Variants in PTPRZ1 observed in about 807,000 individuals in gnomAD.
The protein encoded by PTPRZ1 is protein tyrosine phosphatase receptor type Z1, also known as receptor-type tyrosine-protein phosphatase zeta.
PTPRZ1 carries 82 observed loss-of-function variants against 214.1 expected under a neutral mutation model. The ratio of observed to expected loss-of-function variants is 0.38; its 90% CI spans 0.32 to 0.46. The LOEUF (loss-of-function observed/expected upper bound fraction) is 0.46, where lower values mean the gene tolerates loss of function less well. PTPRZ1 is among the 20% of genes least tolerant of loss of function. The probability of loss-of-function intolerance (pLI) is 1.00; values close to 1 mark genes in which losing one functional copy is unlikely to be tolerated. For synonymous variants in PTPRZ1, 945 were observed against 987.9 expected, an observed-to-expected ratio of 0.96 and a Z score of 0.81; for missense variants, 2,603 against 2,748.7, an observed-to-expected ratio of 0.95 and a Z score of 1.19.
chr7:121,875,589 A>T (rs1378472225), intron 1 of PTPRZ1, among the ~76,000 whole-genome samples: 1 of 152,250 alleles, frequency 6.6e-6, no homozygotes, highest in African/African-American at 2.4e-5. Context: ...TCACAAGCTT[A>T]TGTAATGCTA....
chr7:121,920,311 A>G (rs1193653329), intron 1 of PTPRZ1, among the ~76,000 whole-genome samples: 3 of 152,170 alleles, frequency 2.0e-5, no homozygotes, highest in Non-Finnish European at 2.9e-5. Flanking sequence ...AAATAATACT[A>G]TTATGGTAAG....
At position 122,011,734 on chromosome 7, in the gene PTPRZ1, T is replaced by C. The variant is rs1798671504; in HGVS notation, c.2688T>C (p.Ser896=). ...ASETLEFGSE[S]GVLYKTLMFS... ...AGACGCTGGAATTTGGTAGTGAATCTGGTGTTCTTTATAAAACGCTTATGT... is the reference window on the plus strand; with the variant it reads ...AGACGCTGGAATTTGGTAGTGAATCCGGTGTTCTTTATAAAACGCTTATGT... Residue 896 remains serine, a synonymous_variant, in exon 12 of 30, where the codon TCT becomes TCC. Coordinates refer to ENST00000393386, the MANE Select transcript of PTPRZ1 (RefSeq NM_002851.3). 2 of 1,614,216 alleles carry C rather than the reference T, an allele frequency of 1.2e-6. No individual in the cohort carries two copies. The highest frequency in any genetic ancestry group is 1.7e-6 in the Non-Finnish European group (2 of 1,180,038).
At chr7:121,924,750 A>T (rs1192898370) in intron 1 of PTPRZ1, among the ~76,000 whole-genome samples, 1 of 152,212 alleles carries the variant, frequency 6.6e-6, no homozygotes, top group Non-Finnish European at 1.5e-5. Flanking sequence ...AGTCACCACA[A>T]TGCATAACAA....
intron 1 of PTPRZ1, among the ~76,000 whole-genome samples, chr7:121,889,173 C>T (rs1001490823): frequency 2.6e-5 from 4 of 152,014 alleles, no homozygotes; most frequent in Non-Finnish European, 5.9e-5. Context: ...GTATGAGAAG[C>T]CTTGCACAAA....
Position 121,972,532 on chromosome 7 carries a change from T to C in PTPRZ1, c.305-9T>C. The C allele has an allele frequency of 6.3e-7, 1 of 1,581,456 alleles. No homozygotes were observed. The highest frequency in any genetic ancestry group is 2.3e-5 in the East Asian group (1 of 44,220). On this transcript the variant is annotated splice_polypyrimidine_tract_variant and intron_variant, in intron 3 of 29. Transcript: ENST00000393386. ...AGAAGCTTAGGTGCAATTGTATTTC[T>C]TTTTTTAGTGGAAATTAATCTCACT...
In PTPRZ1 at chr7:122,011,960, C is replaced by A; in HGVS notation, c.2914C>A (p.Pro972Thr). 1.2e-6 allele frequency: 2 copies of A among 1,614,182 alleles called. No homozygotes were observed. The highest frequency in any genetic ancestry group is 4.5e-5 in the East Asian group (2 of 44,876). The stretch of plus-strand genomic sequence containing the variant: ...TAGCGGCCCTAGCCATATACCAATA[C>A]CTAAGTCTTCGTTAATAACCCCAAC... ...LFSGPSHIPI[P>T]KSSLITPTAS... is the part of the protein sequence containing the mutation. The change falls in exon 12 of 30, where the codon CCT becomes ACT. Residue 972 changes from proline to threonine, a missense_variant. Around this residue, in one of 6 missense-constraint regions of PTPRZ1, gnomAD observed 1,913 missense variants for 1,914.3 expected, o/e 1.00. Coordinates refer to ENST00000393386, the MANE Select transcript of PTPRZ1 (RefSeq NM_002851.3).
In PTPRZ1 at chr7:122,011,589, C is replaced by T; in HGVS notation, c.2543C>T (p.Ala848Val). ...VSQILPQVTS[A>V]TESDKVPLHA... ...CAAATCCTTCCACAAGTTACTTCAG[C>T]TACCGAGAGTGATAAGGTGCCCTTG... is the stretch of plus-strand genomic sequence containing the variant. Residue 848 changes from alanine (A) to valine (V), a missense_variant, in exon 12 of 30, where the codon GCT (alanine) becomes GTT (valine). By Grantham distance (64) the Ala-to-Val change is moderately conservative. Around this residue, in one of 6 missense-constraint regions of PTPRZ1, gnomAD observed 1,913 missense variants for 1,914.3 expected, o/e 1.00. Transcript: ENST00000393386. 6.2e-7 allele frequency: 1 copy of T among 1,614,104 alleles called. No homozygotes were observed. The highest frequency in any genetic ancestry group is 8.5e-7 in the Non-Finnish European group (1 of 1,180,006).
chr7:122,039,609 G>A, intron 20 of PTPRZ1, 21 bp downstream of exon 20: 3 of 1,610,580 alleles, frequency 1.9e-6, no homozygotes, highest in East Asian at 2.2e-5. Context: ...AAAATGATGG[G>A]CATAATCAAG....
rs1340193739 is a variant in PTPRZ1, at chr7:122,013,139, C to T, written c.4093C>T (p.His1365Tyr). 2.5e-6 allele frequency: 4 copies of T among 1,613,832 alleles called. No individual in the cohort carries two copies. The highest frequency in any genetic ancestry group is 2.5e-6 in the Non-Finnish European group (3 of 1,179,838). ...VASDTFVSTD[H>Y]SVPIGNGHVA... is the part of the protein sequence containing the mutation. ...TTCTGATACATTTGTATCTACTGAT[C>T]ATTCTGTTCCTATAGGAAATGGGCA... The change falls in exon 12 of 30, where the codon CAT becomes TAT. Residue 1365 changes from histidine to tyrosine, a missense_variant. This residue lies in a region of PTPRZ1 where 1,913 missense variants were observed against 1,914.3 expected (regional missense o/e 1.00). Transcript: ENST00000393386.
At chr7:122,008,230 T>C (rs1239182659) in intron 11 of PTPRZ1, among the ~76,000 whole-genome samples, 3 of 152,136 alleles carry the variant, frequency 2.0e-5, no homozygotes, top group Non-Finnish European at 4.4e-5. Context: ...TGTTAGATCA[T>C]ATAGAGAAAA....
At chr7:121,959,403 A>C (rs1396698945) in intron 2 of PTPRZ1, among the ~76,000 whole-genome samples, 1 of 152,234 alleles carries the variant, frequency 6.6e-6, no homozygotes, top group Non-Finnish European at 1.5e-5. Context: ...ACGTTGGGCA[A>C]CTGCTTTGCT....
chr7:121,896,547 C>A lies in PTPRZ1; in HGVS notation c.58+22990C>A, dbSNP rs572597023. ...GAAGAAAACCCGTCATATGCTACAA[C>A]ATAGATGAACCTTAAGAACAGTATG... On this transcript the variant is annotated intron_variant, in intron 1 of 29. Transcript: ENST00000393386. Among the ~76,000 whole-genome samples, 3 of 152,144 alleles carry A rather than the reference C, an allele frequency of 2.0e-5. No individual in the cohort carries two copies. In the South Asian group the frequency reaches 6.2e-4, roughly 32 times the overall value.
At chr7:122,033,740 A>G (rs541388175) in intron 15 of PTPRZ1, 2 of 234,352 alleles carry the variant, frequency 8.5e-6, no homozygotes, top group South Asian at 1.8e-4. Flanking sequence ...TAGTGCTACT[A>G]TGGTCAAATA....
At chr7:121,884,480 A>G (rs1563000080) in intron 1 of PTPRZ1, among the ~76,000 whole-genome samples, 3 of 152,174 alleles carry the variant, frequency 2.0e-5, no homozygotes, top group Non-Finnish European at 4.4e-5. Context: ...AAACATCATT[A>G]TGTTTAATTG....
intron 1 of PTPRZ1, among the ~76,000 whole-genome samples, chr7:121,890,446 C>T (rs543162273): frequency 1.3e-5 from 2 of 152,270 alleles, no homozygotes; most frequent in East Asian, 3.9e-4. Flanking sequence ...CCTATCCACA[C>T]TTGCATCATG....
intron 2 of PTPRZ1, among the ~76,000 whole-genome samples, chr7:121,949,364 T>C (rs562939193): frequency 6.6e-6 from 1 of 152,286 alleles, no homozygotes; most frequent in African/African-American, 2.4e-5. Context: ...GCCCCAAGTT[T>C]TTTTTCCTTT....
chr7:122,023,341 A>T (rs980700793), intron 13 of PTPRZ1, among the ~76,000 whole-genome samples: 57 of 151,056 alleles, frequency 3.8e-4, no homozygotes, highest in African/African-American at 1.4e-3. Context: ...GGCCTTGGGC[A>T]TGTCAATTAC....
intron 12 of PTPRZ1, among the ~76,000 whole-genome samples, chr7:122,017,864 G>T (rs1444252203): frequency 6.6e-6 from 1 of 151,920 alleles, no homozygotes; most frequent in African/African-American, 2.4e-5. Context: ...GAGCCACCAC[G>T]CCCAGCCTGA....
intron 12 of PTPRZ1, among the ~76,000 whole-genome samples, chr7:122,017,393 G>A (rs1489203329): frequency 1.3e-5 from 2 of 151,838 alleles, no homozygotes; most frequent in Non-Finnish European, 2.9e-5. Context: ...GGGCTGAGTT[G>A]GCTTAGAACA....
Sources: allele counts gnomAD v4.1 joint callset (sites outside exome capture counted in the v4.1 genomes callset), GRCh38; gene constraint gnomAD v4.1.1; regional missense constraint gnomAD v4.1.1; transcripts MANE v1.5; gene names NCBI Gene and HGNC (gene_info 2026-07-23, HGNC 2026-07-21).